CHI3L1: variants seen among roughly 807,000 people sequenced by gnomAD.
CHI3L1 encodes the protein chitinase 3 like 1.
CHI3L1 carries 30 observed loss-of-function variants against 40.7 expected under a neutral mutation model. The ratio of observed to expected loss-of-function variants is 0.74; its 90% confidence interval spans 0.55 to 1.00. The LOEUF is 1.00. Among genes scored for constraint, CHI3L1 ranks in the 50% least tolerant of loss-of-function variants. CHI3L1 has a pLI of 0.00. For missense variants in CHI3L1, 493 were observed against 492.2 expected (o/e 1.00, Z -0.01); for synonymous variants, 210 against 192.1 (o/e 1.09, Z -0.77).
rs373298694 is a variant in CHI3L1 at position 203,179,919 on chromosome 1, C to G, written c.895-42G>C. ...GAAAAGGCAGTGTGGGGAGTCGTGC[C>G]GAGACCTTGCAGGTCACCAGGAGAC... On this transcript the variant is annotated intron_variant, in intron 8 of 9. Coordinates refer to ENST00000255409, the MANE Select transcript of CHI3L1 (RefSeq NM_001276.4). 3.8e-6 allele frequency: 6 copies of G among 1,594,100 alleles called. No homozygotes were observed. In the South Asian group the frequency reaches 6.7e-5, roughly 18 times the overall value.
intron 6 of CHI3L1, 64 bp downstream of exon 6, chr1:203,182,667 G>A (rs1180953161): frequency 5.6e-6 from 9 of 1,596,412 alleles, no homozygotes; most frequent in African/African-American, 1.3e-5. Flanking sequence ...TAGGGCTGGG[G>A]GTGGCGGGGA....
intron 9 of CHI3L1, 40 bp from the exon 10 acceptor site, chr1:203,179,625 G>A (rs749554697): frequency 1.2e-6 from 2 of 1,613,552 alleles, no homozygotes; most frequent in East Asian, 2.2e-5. Context: ...TGGGTTCCCT[G>A]ACCCAGAGTG....
At chr1:203,181,912 G>A (rs573036838) in intron 6 of CHI3L1, 1 of 152,624 alleles carries the variant, frequency 6.6e-6, no homozygotes, top group African/African-American at 2.4e-5. Context: ...ATTAAAAGTA[G>A]CATCAACAGA....
In CHI3L1 at chr1:203,186,436, AC is replaced by A; in HGVS notation, c.26-92del. ...CAAGCAACTGAGACCCACCTCCCCC[AC>A]CCCCACCTCCTGGTTGCAGCCTCAG... On this transcript the variant is annotated intron_variant, in intron 1 of 9. Transcript: ENST00000255409. The A allele has an allele frequency of 2.7e-5, 13 of 485,940 alleles. No individual in the cohort carries two copies. In the South Asian group the frequency reaches 2.8e-4, roughly 11 times the overall value. The allele number at this position is 485,940 out of a possible 1,614,324, so 30.1% of individuals were successfully genotyped here. A position where few individuals can be genotyped will look rare whatever the true frequency, so the allele number is the denominator to read the frequency against.
intron 7 of CHI3L1, 24 bp from the exon 8 acceptor site, chr1:203,180,676 AC>A: frequency 6.4e-7 from 1 of 1,557,320 alleles, no homozygotes; most frequent in Non-Finnish European, 8.7e-7. Flanking sequence ...GGTGGGAACA[AC>A]GTGAGCAGTT....
At chr1:203,184,467 A>T (rs766856043) in intron 4 of CHI3L1, 109 bp downstream of exon 4, 1 of 872,118 alleles carries the variant, frequency 1.1e-6, no homozygotes. Context: ...CCTTGTACCT[A>T]TCTAGTCTGG....
chr1:203,185,227 T>C lies in CHI3L1; in HGVS notation c.214A>G (p.Asn72Asp), dbSNP rs1558149456. The C allele has an allele frequency of 6.2e-7, 1 of 1,614,106 alleles. No homozygotes were observed. The highest frequency in any genetic ancestry group is 8.5e-7 in the Non-Finnish European group (1 of 1,179,994). ...AGCATGCCGTAGAGCGTCACATCAT[T>C]CCACTCCCAGGTGTCGATGTGATCG... Reference protein sequence around the residue: ...SNDHIDTWEWNDVTLYGMLNT... With the variant: ...SNDHIDTWEWDDVTLYGMLNT... Residue 72 changes from asparagine to aspartate, a missense_variant, in exon 3 of 10, where the codon AAT becomes GAT. Physicochemically the swap from Asn to Asp is conservative, Grantham distance 23. Transcript: ENST00000255409.
At chr1:203,180,299 T>C (rs2102200320) in intron 8 of CHI3L1, 171 bp downstream of exon 8, 1 of 638,174 alleles carries the variant, frequency 1.6e-6, no homozygotes, top group Non-Finnish European at 2.6e-6. Flanking sequence ...CTGCTGGAGA[T>C]TTTCAGCAAC....
At chr1:203,186,111 G>A (rs1656049912) in intron 2 of CHI3L1, among the ~76,000 whole-genome samples, 1 of 152,116 alleles carries the variant, frequency 6.6e-6, no homozygotes, top group South Asian at 2.1e-4. Flanking sequence ...CTTATTTTGA[G>A]AATTTTCACA....
intron 1 of CHI3L1, 69 bp from the exon 2 acceptor site, chr1:203,186,414 G>C: frequency 6.4e-7 from 1 of 1,553,624 alleles, no homozygotes; most frequent in Non-Finnish European, 8.7e-7. Flanking sequence ...CCTCCCCCAA[G>C]CAACTGAGAC....
In CHI3L1 at chr1:203,180,040, C is replaced by T. The variant is rs960465072; in HGVS notation, c.895-163G>A. On this transcript the variant is annotated intron_variant, in intron 8 of 9. Coordinates refer to ENST00000255409, the MANE Select transcript of CHI3L1 (RefSeq NM_001276.4). ...CATGCATCACACAAGTTTATACAAA[C>T]CAGAGGCAAATGACCCAGAGATGGT... 25 of 656,124 alleles carry T rather than the reference C, an allele frequency of 3.8e-5. No individual in the cohort carries two copies. The Admixed American group carries it at 6.9e-4, about 18-fold the overall frequency. The allele number at this position is 656,124 out of a possible 1,614,324, so 40.6% of individuals were successfully genotyped here. A position where few individuals can be genotyped will look rare whatever the true frequency, so the allele number is the denominator to read the frequency against.
In CHI3L1 at chr1:203,181,287, T is replaced by C; in HGVS notation, c.588-2A>G. On this transcript the variant is annotated splice_acceptor_variant, in intron 6 of 9. Coordinates refer to ENST00000255409, the MANE Select transcript of CHI3L1 (RefSeq NM_001276.4). LOFTEE classifies it high-confidence loss of function. Reference sequence around the variant, plus strand: ...ATGATGCTAATGAAATCCAGGTGTCTGAGGAGGAAGGGGATGGAGGGTGAG... The same window carrying C: ...ATGATGCTAATGAAATCCAGGTGTCCGAGGAGGAAGGGGATGGAGGGTGAG... 6.2e-7 allele frequency: 1 copy of C among 1,613,644 alleles called. No individual in the cohort carries two copies. The highest frequency in any genetic ancestry group is 1.7e-4 in the Middle Eastern group (1 of 6,060).
intron 4 of CHI3L1, 67 bp downstream of exon 4, chr1:203,184,509 G>A (rs1228257317): frequency 7.5e-7 from 1 of 1,328,750 alleles, no homozygotes; most frequent in East Asian, 2.3e-5. Context: ...GTGGATGCGG[G>A]AGACCCAAGC....
At chr1:203,182,694 G>A in intron 6 of CHI3L1, 37 bp downstream of exon 6, 4 of 1,613,118 alleles carry the variant, frequency 2.5e-6, no homozygotes, top group Non-Finnish European at 3.4e-6. Context: ...AGTGTTGGCA[G>A]AGGTTCTGGG....
intron 2 of CHI3L1, 89 bp from the exon 3 acceptor site, chr1:203,185,474 G>T: frequency 8.8e-7 from 1 of 1,134,580 alleles, no homozygotes; most frequent in Non-Finnish European, 1.3e-6. Context: ...TGGGGTGTGG[G>T]GTTGGGTAGG....
intron 4 of CHI3L1, among the ~76,000 whole-genome samples, chr1:203,184,299 T>A (rs1656008189): frequency 6.6e-6 from 1 of 152,094 alleles, no homozygotes; most frequent in Admixed American, 6.5e-5. Flanking sequence ...GCCCCAGAAG[T>A]CCCATATTTT....
chr1:203,180,312 A>G, intron 8 of CHI3L1, 158 bp downstream of exon 8: 1 of 674,816 alleles, frequency 1.5e-6, no homozygotes. Flanking sequence ...TCAGCAACAA[A>G]TGTCCTAACC....
At chr1:203,180,758 T>A in intron 7 of CHI3L1, 106 bp from the exon 8 acceptor site, 2 of 787,434 alleles carry the variant, frequency 2.5e-6, no homozygotes, top group Non-Finnish European at 4.0e-6. Context: ...TATGGTGCAC[T>A]GGGGATTCCC....
intron 9 of CHI3L1, 48 bp downstream of exon 9, chr1:203,179,713 G>A: frequency 6.2e-7 from 1 of 1,614,158 alleles, no homozygotes; most frequent in South Asian, 1.1e-5. Flanking sequence ...TGGGAGCGGG[G>A]CCTCCTTCTT....
Sources: gnomAD v4.1 joint callset for allele counts (sites outside exome capture counted in the v4.1 genomes callset) on GRCh38, gnomAD v4.1.1 for gene constraint, MANE v1.5 for transcripts, NCBI Gene and HGNC (gene_info 2026-07-23, HGNC 2026-07-21) for gene names.